Variants in KCNG3 observed in about 807,000 individuals in gnomAD.
The protein encoded by KCNG3 is voltage-gated potassium channel regulatory subunit KCNG3.
In KCNG3, 15 loss-of-function variants were observed where a neutral mutation model predicts 29.0. The observed-to-expected ratio is 0.52, with a 90% CI of 0.35 to 0.80. The LOEUF is 0.80. Ranked by LOEUF, KCNG3 falls within the 30% of genes least tolerant of loss-of-function variation. The pLI is 0.01. For synonymous variants in KCNG3, 322 were observed against 248.9 expected (o/e 1.29, Z -2.76); for missense variants, 512 against 605.7 (o/e 0.85, Z 1.62).
intron 1 of KCNG3, among the ~76,000 whole-genome samples, chr2:42,458,275 T>C (rs1449744224): frequency 6.6e-6 from 1 of 152,188 alleles, no homozygotes; most frequent in Non-Finnish European, 1.5e-5. Flanking sequence ...CGGATCTCTT[T>C]TCCTGCAATC....
chr2:42,491,314 G>T (rs1016368829), intron 1 of KCNG3, among the ~76,000 whole-genome samples: 1 of 151,758 alleles, frequency 6.6e-6, no homozygotes, highest in Admixed American at 6.6e-5. Context: ...CTCCCCCTAA[G>T]ATTATATTTG....
intron 1 of KCNG3, among the ~76,000 whole-genome samples, chr2:42,446,278 G>A (rs1482884764): frequency 6.6e-6 from 1 of 151,976 alleles, no homozygotes. Flanking sequence ...CTGGGTTCAA[G>A]CAATTCTCGT....
the KCNG3 span, among the ~76,000 whole-genome samples, chr2:42,406,766 G>T: frequency 6.6e-6 from 1 of 151,204 alleles, no homozygotes; most frequent in Admixed American, 6.6e-5. Flanking sequence ...GGCAGAGGTG[G>T]CAGTGAGCTG....
chr2:42,475,958 C>T (rs1673413626), intron 1 of KCNG3, among the ~76,000 whole-genome samples: 1 of 151,898 alleles, frequency 6.6e-6, no homozygotes, highest in Non-Finnish European at 1.5e-5. Context: ...CCCAGCTACT[C>T]GGGAGGCTGA....
chr2:42,487,192 T>A (rs1031722531), intron 1 of KCNG3, among the ~76,000 whole-genome samples: 56 of 151,860 alleles, frequency 3.7e-4, no homozygotes, highest in Non-Finnish European at 7.4e-4. Flanking sequence ...CAATTTTTTT[T>A]AATCATTATG....
At chr2:42,451,668 G>C (rs1192883003) in intron 1 of KCNG3, among the ~76,000 whole-genome samples, 2 of 152,156 alleles carry the variant, frequency 1.3e-5, no homozygotes, top group East Asian at 1.9e-4. Flanking sequence ...GGAGGTTGTA[G>C]TGAGCTGAGA....
intron 1 of KCNG3, among the ~76,000 whole-genome samples, chr2:42,485,449 ATTTT>A (rs11427289): frequency 6.8e-6 from 1 of 147,572 alleles, no homozygotes; most frequent in Non-Finnish European, 1.5e-5. Context: ...AGCAAAGAGC[ATTTT>A]TTTTTTTTTA....
At chr2:42,397,837 G>A in the KCNG3 span, among the ~76,000 whole-genome samples, 4 of 152,200 alleles carry the variant, frequency 2.6e-5, no homozygotes, top group Non-Finnish European at 4.4e-5. Flanking sequence ...GAGAAAATCT[G>A]GCATTTGTAT....
intron 1 of KCNG3, among the ~76,000 whole-genome samples, chr2:42,454,606 G>T (rs1338667546): frequency 6.6e-6 from 1 of 152,060 alleles, no homozygotes; most frequent in Admixed American, 6.6e-5. Context: ...CAGCTACTCG[G>T]GAGGCTGAGG....
downstream of KCNG3, chr2:42,440,334 G>C (rs1049976017): frequency 6.6e-6 from 1 of 152,118 alleles, no homozygotes; most frequent in Non-Finnish European, 1.5e-5. Context: ...TTACACAGCT[G>C]AATAGTAATA....
At chr2:42,389,881 C>T in the KCNG3 span, among the ~76,000 whole-genome samples, 1 of 152,306 alleles carries the variant, frequency 6.6e-6, no homozygotes, top group African/African-American at 2.4e-5. Context: ...GCTTTGGGGG[C>T]TTGCTGTCTG....
the KCNG3 span, among the ~76,000 whole-genome samples, chr2:42,405,756 C>T: frequency 6.6e-6 from 1 of 151,952 alleles, no homozygotes; most frequent in Non-Finnish European, 1.5e-5. Flanking sequence ...TACAGGCACC[C>T]GTCACCAAGC....
At chr2:42,437,194 T>C (rs1467550442), downstream of KCNG3, among the ~76,000 whole-genome samples, 1 of 152,132 alleles carries the variant, frequency 6.6e-6, no homozygotes, top group African/African-American at 2.4e-5. Context: ...AAAATATATA[T>C]TTAAGAAAAA....
chr2:42,474,877 G>C (rs1348611591), intron 1 of KCNG3, among the ~76,000 whole-genome samples: 1 of 152,062 alleles, frequency 6.6e-6, no homozygotes, highest in East Asian at 1.9e-4. Flanking sequence ...AAAGCAATAG[G>C]TTTGGGAGGA....
At chr2:42,445,893 A>G (rs2103663022) in intron 1 of KCNG3, among the ~76,000 whole-genome samples, 1 of 151,786 alleles carries the variant, frequency 6.6e-6, no homozygotes, top group African/African-American at 2.4e-5. Flanking sequence ...TGCGTGACTA[A>G]TTTTTGTATT....
intron 1 of KCNG3, among the ~76,000 whole-genome samples, chr2:42,466,751 T>A (rs1055845364): frequency 3.5e-5 from 5 of 144,016 alleles, no homozygotes; most frequent in Admixed American, 1.4e-4. Flanking sequence ...CAAATACTCT[T>A]CCTTTTTTTT....
chr2:42,473,930 T>C (rs1673357222), intron 1 of KCNG3, among the ~76,000 whole-genome samples: 3 of 151,822 alleles, frequency 2.0e-5, no homozygotes, highest in South Asian at 4.2e-4. Context: ...GGCAGCTGGA[T>C]CACTTGAGGC....
intron 1 of KCNG3, among the ~76,000 whole-genome samples, chr2:42,465,165 A>G (rs1673109444): frequency 6.6e-6 from 1 of 152,178 alleles, no homozygotes; most frequent in Admixed American, 6.5e-5. Flanking sequence ...CTAAATTTAA[A>G]AGTGAAAACT....
the KCNG3 span, among the ~76,000 whole-genome samples, chr2:42,403,877 G>A: frequency 2.4e-4 from 36 of 152,008 alleles, 2 homozygotes; most frequent in Admixed American, 1.8e-3. Flanking sequence ...CTGGGATTAC[G>A]GGCATGAGCT....
Sources: allele counts gnomAD v4.1 joint callset (sites outside exome capture counted in the v4.1 genomes callset), GRCh38; gene constraint gnomAD v4.1.1; transcripts MANE v1.5; gene names NCBI Gene and HGNC (gene_info 2026-07-23, HGNC 2026-07-21).